Variants in CPNE8 observed in about 807,000 individuals in gnomAD.
CPNE8 encodes the protein copine-8.
In CPNE8, 45 loss-of-function variants were observed where a neutral mutation model predicts 81.5. That is an observed-to-expected ratio of 0.55 (90% CI 0.44 to 0.71). CPNE8 has a LOEUF of 0.71. Ranked by LOEUF, CPNE8 falls within the 30% of genes least tolerant of loss-of-function variation. The pLI is 0.00. For synonymous variants in CPNE8, 252 were observed against 226.3 expected (o/e 1.11, Z -1.02); for missense variants, 594 against 672.1 (o/e 0.88, Z 1.28).
At chr12:38,716,907 G>A (rs1345847395) in intron 13 of CPNE8, among the ~76,000 whole-genome samples, 3 of 151,906 alleles carry the variant, frequency 2.0e-5, no homozygotes, top group African/African-American at 4.8e-5. Flanking sequence ...AAGGACTGGT[G>A]TCCAGAATCT....
chr12:38,884,899 T>C, intron 1 of CPNE8, among the ~76,000 whole-genome samples: 1 of 152,166 alleles, frequency 6.6e-6, no homozygotes, highest in Admixed American at 6.5e-5. Flanking sequence ...AAACTTCCAA[T>C]GCTAACTCCC....
chr12:38,895,087 A>C (rs1213706703), intron 1 of CPNE8, among the ~76,000 whole-genome samples: 1 of 152,116 alleles, frequency 6.6e-6, no homozygotes, highest in African/African-American at 2.4e-5. Context: ...GTCACTTGTT[A>C]CTTATTTTAC....
chr12:38,756,629 G>C (rs964249120), intron 10 of CPNE8, among the ~76,000 whole-genome samples: 4 of 152,012 alleles, frequency 2.6e-5, no homozygotes, highest in Non-Finnish European at 5.9e-5. Context: ...TTGCCTTATT[G>C]GTTTTCTATG....
At chr12:38,863,784 GGCTCAC>G (rs1278807814) in intron 3 of CPNE8, among the ~76,000 whole-genome samples, 1 of 152,064 alleles carries the variant, frequency 6.6e-6, no homozygotes, top group Non-Finnish European at 1.5e-5. Context: ...CGGGTGCGGT[GGCTCAC>G]GCCTGTGGTC....
intron 6 of CPNE8, among the ~76,000 whole-genome samples, chr12:38,799,535 G>A (rs987883044): frequency 6.6e-5 from 10 of 152,118 alleles, no homozygotes; most frequent in East Asian, 1.9e-4. Flanking sequence ...TCTCTGGGAC[G>A]CATTCAAAGC....
chr12:38,686,559 G>A (rs1415701155), intron 15 of CPNE8, among the ~76,000 whole-genome samples: 1 of 152,184 alleles, frequency 6.6e-6, no homozygotes, highest in Admixed American at 6.5e-5. Context: ...CCTCTGTATA[G>A]TGGCTTAAAG....
chr12:38,799,470 C>T (rs985477878), intron 6 of CPNE8, among the ~76,000 whole-genome samples: 2 of 151,958 alleles, frequency 1.3e-5, no homozygotes, highest in African/African-American at 2.4e-5. Flanking sequence ...GAAATGAAGG[C>T]AGAAAAAAAG....
At chr12:38,781,606 GCAT>G (rs1167271817) in intron 6 of CPNE8, among the ~76,000 whole-genome samples, 2 of 152,030 alleles carry the variant, frequency 1.3e-5, no homozygotes, top group East Asian at 3.8e-4. Flanking sequence ...AATACTGCAT[GCAT>G]CTACTATTAT....
intron 1 of CPNE8, among the ~76,000 whole-genome samples, chr12:38,889,909 C>T (rs1009943537): frequency 4.6e-5 from 7 of 152,134 alleles, no homozygotes; most frequent in African/African-American, 7.2e-5. Context: ...GACTTAGTCC[C>T]TTGTAGGAAA....
chr12:38,667,021 G>C (rs1322509438), intron 19 of CPNE8, among the ~76,000 whole-genome samples: 3 of 152,066 alleles, frequency 2.0e-5, no homozygotes, highest in Non-Finnish European at 4.4e-5. Flanking sequence ...CAAAAAGGAA[G>C]GTATTTAATA....
intron 3 of CPNE8, among the ~76,000 whole-genome samples, chr12:38,867,946 A>T (rs1014196943): frequency 6.6e-6 from 1 of 152,196 alleles, no homozygotes; most frequent in Non-Finnish European, 1.5e-5. Flanking sequence ...TTAAACCACA[A>T]ATTTTGACTA....
At chr12:38,779,332 G>C (rs1156696751) in intron 6 of CPNE8, among the ~76,000 whole-genome samples, 1 of 152,004 alleles carries the variant, frequency 6.6e-6, no homozygotes, top group African/African-American at 2.4e-5. Flanking sequence ...AAATTAGAGA[G>C]AAAATCAAGA....
At chr12:38,796,089 G>A (rs543171309) in intron 6 of CPNE8, among the ~76,000 whole-genome samples, 13 of 152,166 alleles carry the variant, frequency 8.5e-5, no homozygotes, top group South Asian at 2.1e-4. Flanking sequence ...GGTGAAGGCC[G>A]TCTCTACCAC....
At chr12:38,676,774 A>G (rs10783318) in intron 17 of CPNE8, among the ~76,000 whole-genome samples, 145,658 of 152,232 alleles carry the variant, frequency 0.96, 69,853 homozygotes, top group East Asian at 1. Context: ...CGCTATGAAG[A>G]TCACTGAAAT....
At chr12:38,889,731 T>C (rs1223869762) in intron 1 of CPNE8, among the ~76,000 whole-genome samples, 1 of 152,184 alleles carries the variant, frequency 6.6e-6, no homozygotes, top group Non-Finnish European at 1.5e-5. Context: ...GTCAAGGAAC[T>C]TGTGCATAGT....
At chr12:38,705,674 G>T (rs193116739) in intron 13 of CPNE8, among the ~76,000 whole-genome samples, 1 of 152,072 alleles carries the variant, frequency 6.6e-6, no homozygotes, top group Non-Finnish European at 1.5e-5. Flanking sequence ...ACATTGCTTC[G>T]TCATGCTGTG....
chr12:38,705,834 G>A (rs1279182387), intron 13 of CPNE8, among the ~76,000 whole-genome samples: 8 of 151,734 alleles, frequency 5.3e-5, no homozygotes, highest in African/African-American at 1.9e-4. Context: ...GTACCTGGCA[G>A]ATAGAAAAAA....
intron 13 of CPNE8, among the ~76,000 whole-genome samples, chr12:38,704,826 G>GTATATATATATATATATATATATA (rs573232937): frequency 4.0e-5 from 2 of 50,198 alleles, no homozygotes; most frequent in Non-Finnish European, 1.1e-4. Flanking sequence ...GTATGTATGT[G>GTATATATATATATATATATATATA]TATATATATA....
chr12:38,864,917 A>G (rs191045577), intron 3 of CPNE8, among the ~76,000 whole-genome samples: 1 of 152,346 alleles, frequency 6.6e-6, no homozygotes, highest in East Asian at 1.9e-4. Context: ...TTCAAAGAGT[A>G]GAATGCCACA....
Sources: gnomAD v4.1 joint callset for allele counts (sites outside exome capture counted in the v4.1 genomes callset) on GRCh38, gnomAD v4.1.1 for gene constraint, MANE v1.5 for transcripts, NCBI Gene and HGNC (gene_info 2026-07-23, HGNC 2026-07-21) for gene names.